The following PLPP1 variants were observed in gnomAD, a reference collection of about 807,000 sequenced individuals.
PLPP1 encodes the protein lipid phosphate phosphohydrolase 1a.
Under a neutral mutation model 31.2 loss-of-function variants are expected in PLPP1, and 24 were observed. The observed-to-expected ratio is 0.77, with a 90% confidence interval of 0.56 to 1.08. The LOEUF is 1.08. PLPP1 is among the 50% of genes least tolerant of loss of function. The pLI is 0.00. For missense variants in PLPP1, 319 were observed against 342.7 expected, an observed-to-expected ratio of 0.93 and a Z score of 0.55; for synonymous variants, 146 against 126.3, an observed-to-expected ratio of 1.16 and a Z score of -1.05.
chr5:55,431,479 G>A (rs917039628), intron 4 of PLPP1, among the ~76,000 whole-genome samples: 1 of 152,110 alleles, frequency 6.6e-6, no homozygotes, highest in African/African-American at 2.4e-5. Flanking sequence ...TGAGGAACTT[G>A]GGAAATTGTA....
intron 4 of PLPP1, among the ~76,000 whole-genome samples, chr5:55,433,144 CAAAAAAAAAAAAAA>C (rs57495015): frequency 8.0e-6 from 1 of 125,324 alleles, no homozygotes; most frequent in Non-Finnish European, 1.7e-5. Flanking sequence ...CCCATCTCTA[CAAAAAAAAAAAAAA>C]AAAAAATACA....
intron 1 of PLPP1, among the ~76,000 whole-genome samples, chr5:55,500,403 A>T (rs1753114561): frequency 6.6e-6 from 1 of 152,144 alleles, no homozygotes; most frequent in Admixed American, 6.5e-5. Context: ...TTTATATATA[A>T]ATAAACATTG....
intron 3 of PLPP1, among the ~76,000 whole-genome samples, chr5:55,459,778 C>T (rs1487730570): frequency 1.3e-5 from 2 of 152,134 alleles, no homozygotes; most frequent in Non-Finnish European, 1.5e-5. Context: ...TCTTCAATAA[C>T]AGCTACATTG....
At chr5:55,443,407 T>C (rs1044318588) in intron 3 of PLPP1, among the ~76,000 whole-genome samples, 11 of 152,184 alleles carry the variant, frequency 7.2e-5, no homozygotes, top group Non-Finnish European at 1.2e-4. Context: ...TTAACCTTGC[T>C]ATTTGACCAC....
chr5:55,479,499 T>C (rs527582652), intron 1 of PLPP1, among the ~76,000 whole-genome samples: 7 of 152,328 alleles, frequency 4.6e-5, no homozygotes, highest in Admixed American at 2.6e-4. Context: ...TCTGGAAATA[T>C]GTGAATTTTA....
chr5:55,449,218 T>C (rs117986096), intron 3 of PLPP1, among the ~76,000 whole-genome samples: 1 of 152,170 alleles, frequency 6.6e-6, no homozygotes, highest in East Asian at 1.9e-4. Flanking sequence ...AATATAAAAA[T>C]ACATAGCAAA....
chr5:55,446,149 A>T (rs1751759861), intron 3 of PLPP1, among the ~76,000 whole-genome samples: 1 of 152,182 alleles, frequency 6.6e-6, no homozygotes, highest in African/African-American at 2.4e-5. Context: ...ACCAATTTGT[A>T]GAAGTCCTCA....
chr5:55,435,349 A>T lies in PLPP1; in HGVS notation c.549+6502T>A, dbSNP rs530594994. ...AAAAGGGGGCCTAATCCGGGGAAGT[A>T]TGCTGAGGGAGATGTGCAGTGGTAA... On this transcript the variant is annotated intron_variant, in intron 4 of 5. Coordinates refer to ENST00000307259, the MANE Select transcript of PLPP1 (RefSeq NM_003711.4). 7.8e-4 allele frequency among the ~76,000 whole-genome samples: 119 copies of T among 152,346 alleles called. 5 individuals are homozygous for T. In the South Asian group the frequency reaches 0.024, roughly 31 times the overall value.
chr5:55,468,737 AG>A (rs1443432705), intron 2 of PLPP1, among the ~76,000 whole-genome samples: 1 of 152,154 alleles, frequency 6.6e-6, no homozygotes, highest in Non-Finnish European at 1.5e-5. Flanking sequence ...TGGGAGGCAG[AG>A]GTTGCAGTGA....
chr5:55,434,975 G>A (rs763105331), intron 4 of PLPP1, among the ~76,000 whole-genome samples: 1 of 152,134 alleles, frequency 6.6e-6, no homozygotes, highest in Admixed American at 6.5e-5. Context: ...TGTTGAATGG[G>A]AGAAAATATT....
chr5:55,520,713 C>G (rs1417406560), intron 1 of PLPP1, among the ~76,000 whole-genome samples: 1 of 152,152 alleles, frequency 6.6e-6, no homozygotes, highest in African/African-American at 2.4e-5. Flanking sequence ...ATTCATATAA[C>G]AAGTATTTGA....
chr5:55,483,846 T>A (rs1213033840), intron 1 of PLPP1, among the ~76,000 whole-genome samples: 3 of 152,022 alleles, frequency 2.0e-5, no homozygotes, highest in Non-Finnish European at 2.9e-5. Context: ...TAAATGGAGA[T>A]ATAATGGGAT....
intron 1 of PLPP1, among the ~76,000 whole-genome samples, chr5:55,526,452 GA>G (rs1364865623): frequency 6.6e-6 from 1 of 152,038 alleles, no homozygotes; most frequent in Non-Finnish European, 1.5e-5. Flanking sequence ...CCCATTTAAA[GA>G]AAGAAAAAGC....
At chr5:55,446,612 G>A (rs1751771170) in intron 3 of PLPP1, among the ~76,000 whole-genome samples, 1 of 152,162 alleles carries the variant, frequency 6.6e-6, no homozygotes, top group Admixed American at 6.5e-5. Flanking sequence ...TCTATCTGAG[G>A]GGAATCTTTG....
In PLPP1 at chr5:55,467,892, A is replaced by G. The variant is rs1752338577; in HGVS notation, c.468T>C (p.Asn156=). Residue 156 remains asparagine, a synonymous_variant, in exon 3 of 6, where the codon AAT becomes AAC. Coordinates refer to ENST00000307259, the MANE Select transcript of PLPP1 (RefSeq NM_003711.4). The part of the protein sequence containing the change: ...GYIEYYICRG[N]AERVKEGRLS... ...ACCTGCCTTCCTTAACTCTTTCTGC[A>G]TTCCCTCGACATATGTAGTATTCAA... The G allele has an allele frequency of 1.2e-6, 2 of 1,612,524 alleles. No homozygotes were observed. Among genetic ancestry groups the G allele is most frequent in the Non-Finnish European group, 1.7e-6 (2 of 1,179,226 alleles).
chr5:55,504,587 A>T (rs1264670141), intron 1 of PLPP1, among the ~76,000 whole-genome samples: 1 of 150,022 alleles, frequency 6.7e-6, no homozygotes, highest in Non-Finnish European at 1.5e-5. Flanking sequence ...CAAAAACAAA[A>T]TTTTTGTTGC....
At chr5:55,433,789 G>T (rs751598852) in intron 4 of PLPP1, among the ~76,000 whole-genome samples, 2 of 151,218 alleles carry the variant, frequency 1.3e-5, no homozygotes, top group Admixed American at 1.3e-4. Flanking sequence ...GAGGCACCAT[G>T]CCCCCAAATC....
chr5:55,534,870 G>A lies in PLPP1; in HGVS notation c.-241C>T, dbSNP rs909266336. On this transcript the variant is annotated 5_prime_UTR_variant, in exon 1 of 6. The change creates a new upstream start codon in the 5' untranslated region. Transcript: ENST00000307259. ...ACACTCGGTTAGTGCCGAGGCGCTC[G>A]TGTGCCAGCCGCGGCAGCTCTGTAG... 2.4e-5 allele frequency: 12 copies of A among 498,542 alleles called. No individual in the cohort carries two copies. The South Asian group carries it at 3.0e-4, about 12-fold the overall frequency. The allele number at this position is 498,542 out of a possible 1,614,324, so 30.9% of individuals were successfully genotyped here.
chr5:55,502,647 G>T (rs1038601785), intron 1 of PLPP1, among the ~76,000 whole-genome samples: 1 of 152,170 alleles, frequency 6.6e-6, no homozygotes, highest in Non-Finnish European at 1.5e-5. Context: ...GCTATATGCA[G>T]CTAATGGATC....
Sources: allele counts gnomAD v4.1 joint callset (sites outside exome capture counted in the v4.1 genomes callset), GRCh38; gene constraint gnomAD v4.1.1; transcripts MANE v1.5; gene names NCBI Gene and HGNC (gene_info 2026-07-23, HGNC 2026-07-21).